The following TARS3 variants were observed in gnomAD, a reference collection of about 807,000 sequenced individuals.
The protein encoded by TARS3 is threonine--tRNA ligase 2, cytoplasmic.
In TARS3, 94 loss-of-function variants were observed where a neutral mutation model predicts 103.5. The observed-to-expected ratio is 0.91, with a 90% CI of 0.77 to 1.08. TARS3 has a LOEUF of 1.08. Ranked by LOEUF, TARS3 falls within the 50% of genes least tolerant of loss-of-function variation. The pLI, the probability that TARS3 is intolerant of heterozygous loss-of-function variation, is 0.00. For synonymous variants in TARS3, 416 were observed against 355.4 expected (o/e 1.17, Z -1.92); for missense variants, 952 against 995.2 (o/e 0.96, Z 0.58).
chr15:101,678,841 C>T (rs1440486964), intron 12 of TARS3, among the ~76,000 whole-genome samples: 4 of 152,160 alleles, frequency 2.6e-5, no homozygotes, highest in Admixed American at 6.5e-5. Flanking sequence ...TACAGCCATT[C>T]TTTTGGTGGG....
chr15:101,703,866 A>T lies in TARS3; in HGVS notation c.1067T>A (p.Ile356Asn), dbSNP rs1172650876. ...AAAAAAATCAATCCTTACCTTAAAA[A>T]TTTTGATGGTTTTAATTTTTCCAGT... ...RHTGKIKTIK[I>N]FKNSSTYWEG... Residue 356 changes from isoleucine (I) to asparagine (N), a missense_variant, in exon 8 of 19, where the codon ATT (isoleucine) becomes AAT (asparagine). Around this residue, in one of 2 missense-constraint regions of TARS3, gnomAD observed 540 missense variants for 631.0 expected, o/e 0.86. Transcript: ENST00000335968. 5 of 1,611,366 alleles carry T rather than the reference A, an allele frequency of 3.1e-6. No individual in the cohort carries two copies. Among genetic ancestry groups the T allele is most frequent in the Non-Finnish European group, 4.2e-6 (5 of 1,178,262 alleles).
At chr15:101,704,482 G>A (rs1212934755) in intron 7 of TARS3, among the ~76,000 whole-genome samples, 1 of 151,848 alleles carries the variant, frequency 6.6e-6, no homozygotes, top group African/African-American at 2.4e-5. Flanking sequence ...GTGAAACCCT[G>A]TCTCTAATAA....
chr15:101,702,181 G>C, intron 9 of TARS3, 58 bp downstream of exon 9: 1 of 1,585,862 alleles, frequency 6.3e-7, no homozygotes, highest in South Asian at 1.1e-5. Flanking sequence ...TTGTGAGACA[G>C]AAACATTCCT....
At chr15:101,698,508 G>T (rs1177790953) in intron 10 of TARS3, among the ~76,000 whole-genome samples, 5 of 152,070 alleles carry the variant, frequency 3.3e-5, no homozygotes, top group Non-Finnish European at 7.4e-5. Flanking sequence ...TTTTGACCCT[G>T]GGGCAGTGAT....
intron 3 of TARS3, among the ~76,000 whole-genome samples, chr15:101,719,971 C>T (rs1164744864): frequency 2.0e-5 from 3 of 152,142 alleles, no homozygotes; most frequent in Non-Finnish European, 2.9e-5. Context: ...CCAGGTGATG[C>T]CCATGCTGCT....
chr15:101,715,017 C>A, intron 3 of TARS3, 54 bp from the exon 4 acceptor site: 1 of 1,490,666 alleles, frequency 6.7e-7, no homozygotes, highest in Non-Finnish European at 9.0e-7. Context: ...ACAATGATTC[C>A]TTAAAATATT....
At chr15:101,668,907 A>G (rs1259111291) in intron 15 of TARS3, among the ~76,000 whole-genome samples, 1 of 152,218 alleles carries the variant, frequency 6.6e-6, no homozygotes, top group Non-Finnish European at 1.5e-5. Context: ...CTTGATAATG[A>G]TAATAAACAA....
At chr15:101,702,161 C>A in intron 9 of TARS3, 78 bp downstream of exon 9, 1 of 1,541,898 alleles carries the variant, frequency 6.5e-7, no homozygotes, top group South Asian at 1.2e-5. Context: ...ATTTTTAAAG[C>A]AACTTAGTTT....
At chr15:101,689,005 G>A (rs1018483769) in intron 10 of TARS3, among the ~76,000 whole-genome samples, 1 of 152,064 alleles carries the variant, frequency 6.6e-6, no homozygotes, top group Non-Finnish European at 1.5e-5. Flanking sequence ...GGAATCTTTC[G>A]ATAACATGTT....
intron 15 of TARS3, among the ~76,000 whole-genome samples, chr15:101,668,865 A>G (rs1480441374): frequency 6.6e-6 from 1 of 152,188 alleles, no homozygotes; most frequent in African/African-American, 2.4e-5. Context: ...GTATAAAAGG[A>G]CAGTGCATAC....
chr15:101,704,977 A>C (rs1899480468), intron 7 of TARS3, among the ~76,000 whole-genome samples: 1 of 152,150 alleles, frequency 6.6e-6, no homozygotes, highest in Admixed American at 6.5e-5. Flanking sequence ...CATGAGGGAG[A>C]ATATCTGTGG....
intron 3 of TARS3, among the ~76,000 whole-genome samples, chr15:101,715,918 T>G (rs1055482408): frequency 2.6e-5 from 4 of 152,276 alleles, no homozygotes; most frequent in African/African-American, 9.6e-5. Context: ...TTTAAAATCT[T>G]TATCAATGTG....
chr15:101,691,251 T>C (rs1375762910), intron 10 of TARS3, among the ~76,000 whole-genome samples: 1 of 149,562 alleles, frequency 6.7e-6, no homozygotes, highest in East Asian at 2.0e-4. Context: ...TGGGTATCAG[T>C]CTTAGAACTA....
intron 10 of TARS3, among the ~76,000 whole-genome samples, chr15:101,697,788 C>T (rs148385778): frequency 2.6e-5 from 4 of 152,306 alleles, no homozygotes; most frequent in African/African-American, 7.2e-5. Flanking sequence ...TTTGTAGACC[C>T]TTTCCATTAA....
At position 101,711,880 on chromosome 15, in the gene TARS3, C is replaced by T; in HGVS notation, c.812G>A (p.Arg271Lys). Residue 271 changes from arginine to lysine, a missense_variant and splice_region_variant, in exon 5 of 19, where the codon AGA (arginine) becomes AAA (lysine). Arg to Lys is a conservative substitution (Grantham distance 26, BLOSUM62 2). Around this residue, in one of 2 missense-constraint regions of TARS3, gnomAD observed 412 missense variants for 364.2 expected, o/e 1.13. Transcript: ENST00000335968. ...CACAAGCCAGTATTCAGTGTGTTAC[C>T]TGTCTTCAATGAACATGTCATAATA... ...GFYYDMFIED[R>K]AVSSTELSAL... 7 of 1,613,646 alleles carry T rather than the reference C, an allele frequency of 4.3e-6. No homozygotes were observed. Among genetic ancestry groups the T allele is most frequent in the Non-Finnish European group, 5.9e-6 (7 of 1,179,706 alleles).
At chr15:101,661,983 CTT>C (rs1442567703) in intron 15 of TARS3, among the ~76,000 whole-genome samples, 167 bp from the exon 16 acceptor site, 11 of 152,090 alleles carry the variant, frequency 7.2e-5, no homozygotes, top group African/African-American at 1.4e-4. Flanking sequence ...CTTTGCTAAT[CTT>C]TTTTCTTTTA....
chr15:101,706,115 C>T (rs748257110), intron 6 of TARS3, among the ~76,000 whole-genome samples: 3 of 152,168 alleles, frequency 2.0e-5, no homozygotes, highest in Non-Finnish European at 4.4e-5. Context: ...CATGTACCAC[C>T]ATGCCTGTAT....
At chr15:101,681,650 C>T (rs528632431) in intron 12 of TARS3, among the ~76,000 whole-genome samples, 9 of 152,324 alleles carry the variant, frequency 5.9e-5, no homozygotes, top group African/African-American at 1.4e-4. Context: ...AGTTTGCCAA[C>T]GGCTGACTTC....
At chr15:101,691,471 G>C (rs1268649666) in intron 10 of TARS3, among the ~76,000 whole-genome samples, 1 of 151,164 alleles carries the variant, frequency 6.6e-6, no homozygotes, top group Non-Finnish European at 1.5e-5. Context: ...GTAGACACAG[G>C]GTTTCACCAT....
Sources: allele counts gnomAD v4.1 joint callset (sites outside exome capture counted in the v4.1 genomes callset), GRCh38; gene constraint gnomAD v4.1.1; regional missense constraint gnomAD v4.1.1; transcripts MANE v1.5; gene names NCBI Gene and HGNC (gene_info 2026-07-23, HGNC 2026-07-21).